CNTN6: variants seen among roughly 807,000 people sequenced by gnomAD.
CNTN6 encodes contactin 6, also known as contactin-6.
CNTN6 carries 137 observed loss-of-function variants against 122.8 expected under a neutral mutation model. The ratio of observed to expected loss-of-function variants is 1.12; its 90% CI spans 0.97 to 1.29. The LOEUF (loss-of-function observed/expected upper bound fraction) is 1.29. CNTN6 is among the 50% of genes most tolerant of loss of function. The pLI, the probability that CNTN6 is intolerant of heterozygous loss-of-function variation, is 0.00. For synonymous variants in CNTN6, 570 were observed against 426.0 expected (o/e 1.34, Z -4.16); for missense variants, 1,634 against 1,223.4 (o/e 1.34, Z -5.01).
intron 1 of CNTN6, among the ~76,000 whole-genome samples, chr3:1,131,998 G>A (rs2092348436): frequency 6.6e-6 from 1 of 152,002 alleles, no homozygotes; most frequent in African/African-American, 2.4e-5. Flanking sequence ...AGGACATCAG[G>A]GAGTTTATGT....
intron 4 of CNTN6, among the ~76,000 whole-genome samples, chr3:1,234,872 A>G (rs2094401723): frequency 6.6e-6 from 1 of 152,240 alleles, no homozygotes; most frequent in African/African-American, 2.4e-5. Context: ...CATAACCACC[A>G]ATTGTTATCA....
intron 5 of CNTN6, among the ~76,000 whole-genome samples, chr3:1,294,905 T>G (rs1695950343): frequency 6.6e-6 from 1 of 152,124 alleles, no homozygotes; most frequent in Admixed American, 6.6e-5. Flanking sequence ...GGGCACAGGT[T>G]TTGTTTGGTT....
chr3:1,328,259 A>C (rs1701811906), intron 10 of CNTN6, among the ~76,000 whole-genome samples: 1 of 151,888 alleles, frequency 6.6e-6, no homozygotes, highest in African/African-American at 2.4e-5. Flanking sequence ...TATAGTGAAA[A>C]GTGCTGAGAT....
At chr3:1,271,568 G>C (rs2095027853) in intron 4 of CNTN6, among the ~76,000 whole-genome samples, 1 of 152,084 alleles carries the variant, frequency 6.6e-6, no homozygotes. Context: ...TCAAAATAAG[G>C]GGCTACATTC....
chr3:1,387,179 T>A (rs1441518592), intron 20 of CNTN6, among the ~76,000 whole-genome samples: 1 of 151,576 alleles, frequency 6.6e-6, no homozygotes, highest in Non-Finnish European at 1.5e-5. Flanking sequence ...AACAAGGTAC[T>A]GATTCTGGAA....
intron 1 of CNTN6, among the ~76,000 whole-genome samples, chr3:1,127,755 C>A (rs534447508): frequency 6.6e-6 from 1 of 151,798 alleles, no homozygotes; most frequent in Admixed American, 6.6e-5. Context: ...CTAAATATAG[C>A]TGGAGGGTCT....
intron 20 of CNTN6, among the ~76,000 whole-genome samples, chr3:1,393,121 G>A (rs1376501612): frequency 1.4e-3 from 72 of 49,690 alleles, no homozygotes; most frequent in African/African-American, 1.9e-3. Flanking sequence ...TGTTTATTGC[G>A]GCACTATTCA....
rs1224609850 is a variant in CNTN6 at position 1,352,337 on chromosome 3, G to A, written c.1378G>A (p.Glu460Lys). 2 of 1,526,274 alleles carry A rather than the reference G, an allele frequency of 1.3e-6. No homozygotes were observed. The highest frequency in any genetic ancestry group is 2.0e-5 in the Admixed American group (1 of 50,400). 94.5% of individuals were successfully genotyped at this position (1,526,274 alleles called of 1,614,324 possible). Residue 460 changes from glutamate to lysine, a missense_variant, in exon 12 of 23, where the codon GAG becomes AAG. Glu to Lys is a moderately conservative substitution (Grantham distance 56). Transcript: ENST00000446702. ...LRQSKRIFLLEDGSLKIYNIT... is the reference protein window; with the variant it reads ...LRQSKRIFLLKDGSLKIYNIT... ...TTTTCTTTTTAGAATATTTCTCTTG[G>A]AGGATGGCAGCCTCAAGATATATAA...
At chr3:1,267,475 C>G (rs947352334) in intron 4 of CNTN6, among the ~76,000 whole-genome samples, 2 of 152,216 alleles carry the variant, frequency 1.3e-5, no homozygotes, top group African/African-American at 2.4e-5. Flanking sequence ...TTGGGAAGGT[C>G]TCAGTAATTA....
intron 9 of CNTN6, among the ~76,000 whole-genome samples, chr3:1,326,352 T>C (rs1701540330): frequency 6.6e-6 from 1 of 151,846 alleles, no homozygotes; most frequent in Non-Finnish European, 1.5e-5. Flanking sequence ...ACAAGTATTA[T>C]TCCTTTATGT....
intron 2 of CNTN6, among the ~76,000 whole-genome samples, chr3:1,214,721 T>TA (rs2094105715): frequency 6.6e-6 from 1 of 152,188 alleles, no homozygotes; most frequent in African/African-American, 2.4e-5. Context: ...TGGTACTGTT[T>TA]AAAATCCCAG....
intron 7 of CNTN6, among the ~76,000 whole-genome samples, chr3:1,313,183 T>G (rs563542373): frequency 6.6e-6 from 1 of 152,238 alleles, no homozygotes; most frequent in Non-Finnish European, 1.5e-5. Context: ...AGGCTTAGTA[T>G]TATTTATTAA....
chr3:1,359,990 G>T (rs1021203879), intron 12 of CNTN6, among the ~76,000 whole-genome samples: 1 of 151,858 alleles, frequency 6.6e-6, no homozygotes, highest in African/African-American at 2.4e-5. Context: ...GTGTGTTGAC[G>T]CTCCATTGCC....
Position 1,398,207 on chromosome 3 carries a change from T to C in CNTN6, c.2705-3226T>C, listed in dbSNP as rs973233119. 7.9e-5 allele frequency among the ~76,000 whole-genome samples: 12 copies of C among 152,152 alleles called. 1 individual carries two copies. Among genetic ancestry groups the C allele is most frequent in the African/African-American group, 2.9e-4 (12 of 41,452 alleles). ...AAATTTTAATTTTATCATAGATATTTGCAATCCAGTTTAATCAACTATATC... is the reference window on the plus strand; with the variant it reads ...AAATTTTAATTTTATCATAGATATTCGCAATCCAGTTTAATCAACTATATC... On this transcript the variant is annotated intron_variant, in intron 20 of 22. Coordinates refer to ENST00000446702, the MANE Select transcript of CNTN6 (RefSeq NM_001289080.2).
intron 2 of CNTN6, among the ~76,000 whole-genome samples, chr3:1,178,976 AAAG>A (rs1174769385): frequency 3.3e-5 from 5 of 152,140 alleles, no homozygotes; most frequent in African/African-American, 1.2e-4. Context: ...TTTATAAAGA[AAAG>A]AAGCCTATTT....
At chr3:1,302,454 A>C (rs2125895489) in intron 7 of CNTN6, among the ~76,000 whole-genome samples, 1 of 152,268 alleles carries the variant, frequency 6.6e-6, no homozygotes, top group African/African-American at 2.4e-5. Flanking sequence ...CACATTTATT[A>C]GACTAAGATG....
In CNTN6 at chr3:1,178,305, T is replaced by G. The variant is rs187106743; in HGVS notation, c.55+30242T>G. ...CTCTTTCTCTCTTTGTGTTTTAGTT[T>G]AGGAATTCCTTAATGACATCTTCAA... On this transcript the variant is annotated intron_variant, in intron 2 of 22. Coordinates refer to ENST00000446702, the MANE Select transcript of CNTN6 (RefSeq NM_001289080.2). 1.0e-3 allele frequency among the ~76,000 whole-genome samples: 157 copies of G among 152,290 alleles called. 1 individual carries two copies. The highest frequency in any genetic ancestry group is 8.6e-3 in the Admixed American group (132 of 15,292).
At chr3:1,332,748 A>T (rs1347261379) in intron 11 of CNTN6, among the ~76,000 whole-genome samples, 1 of 152,076 alleles carries the variant, frequency 6.6e-6, no homozygotes, top group Non-Finnish European at 1.5e-5. Context: ...ATTTTCCTAA[A>T]AAAGGAGAGA....
At chr3:1,400,391 C>T (rs1297081985) in intron 20 of CNTN6, among the ~76,000 whole-genome samples, 1 of 152,050 alleles carries the variant, frequency 6.6e-6, no homozygotes, top group African/African-American at 2.4e-5. Flanking sequence ...TTCTCGTTTT[C>T]TTGTATGTAA....
Sources: gnomAD v4.1 joint callset for allele counts (sites outside exome capture counted in the v4.1 genomes callset) on GRCh38, gnomAD v4.1.1 for gene constraint, MANE v1.5 for transcripts, NCBI Gene and HGNC (gene_info 2026-07-23, HGNC 2026-07-21) for gene names.